The following CUBN variants were observed in gnomAD, a reference collection of about 807,000 sequenced individuals.
CUBN encodes cubilin.
In CUBN, 282 loss-of-function variants were observed where a neutral mutation model predicts 405.3. The ratio of observed to expected loss-of-function variants is 0.70; its 90% CI spans 0.63 to 0.77. The LOEUF (loss-of-function observed/expected upper bound fraction) is 0.77. Ranked by LOEUF, CUBN falls within the 30% of genes least tolerant of loss-of-function variation. The pLI is 0.00. For missense variants in CUBN, 4,514 were observed against 4,475.2 expected (o/e 1.01, Z -0.25); for synonymous variants, 1,684 against 1,617.0 (o/e 1.04, Z -0.99).
intron 48 of CUBN, among the ~76,000 whole-genome samples, chr10:16,908,923 GGGACTGC>G (rs1346774591): frequency 1.4e-5 from 2 of 144,424 alleles, no homozygotes; most frequent in African/African-American, 5.1e-5. Context: ...TCGCCCAGGC[GGGACTGC>G]GGACTGCAGT....
At chr10:17,122,611 C>G in intron 6 of CUBN, 184 bp downstream of exon 6, 1 of 641,840 alleles carries the variant, frequency 1.6e-6, no homozygotes, top group Non-Finnish European at 2.9e-6. Context: ...GTAAAGGACT[C>G]ATGAGCTTTT....
intron 22 of CUBN, among the ~76,000 whole-genome samples, chr10:17,051,057 T>A (rs963842223): frequency 1.3e-5 from 2 of 149,992 alleles, no homozygotes; most frequent in Non-Finnish European, 3.0e-5. Flanking sequence ...TTACAAATAT[T>A]AAAAAAAAAG....
chr10:16,826,815 T>C (rs1351978684), intron 66 of CUBN, among the ~76,000 whole-genome samples: 1 of 152,180 alleles, frequency 6.6e-6, no homozygotes, highest in African/African-American at 2.4e-5. Context: ...TTCCACCTTA[T>C]GGGAGTGTCA....
At chr10:17,062,216 C>T (rs937378237) in intron 22 of CUBN, among the ~76,000 whole-genome samples, 8 of 152,068 alleles carry the variant, frequency 5.3e-5, no homozygotes, top group East Asian at 1.9e-4. Context: ...TCATGACTCA[C>T]GAATGAGTCA....
In CUBN at chr10:16,990,447, G is replaced by A. The variant is rs1485492021; in HGVS notation, c.4237C>T (p.Pro1413Ser). 6.2e-7 allele frequency: 1 copy of A among 1,614,012 alleles called. No homozygotes were observed. The highest frequency in any genetic ancestry group is 8.5e-7 in the Non-Finnish European group (1 of 1,180,018). Residue 1413 changes from proline to serine, a missense_variant, in exon 29 of 67, where the codon CCA (proline) becomes TCA (serine). Transcript: ENST00000377833. ...SSPGFPNRYP[P>S]NKECIWYIRT... Reference sequence around the variant, plus strand: ...ATGTACCAGATACACTCCTTGTTTGGTGGATACCTGTTGGGGAACCCGGGG... The same window carrying A: ...ATGTACCAGATACACTCCTTGTTTGATGGATACCTGTTGGGGAACCCGGGG...
intron 45 of CUBN, among the ~76,000 whole-genome samples, chr10:16,916,836 A>T (rs1470612010): frequency 7.0e-6 from 1 of 142,088 alleles, no homozygotes. Flanking sequence ...TTTTTTTGAG[A>T]CAGAGTCTTG....
intron 28 of CUBN, among the ~76,000 whole-genome samples, chr10:16,991,423 C>A (rs1231050583): frequency 6.6e-6 from 1 of 152,172 alleles, no homozygotes; most frequent in Non-Finnish European, 1.5e-5. Flanking sequence ...TACTTCATTA[C>A]TATACCGCAC....
At chr10:16,903,221 T>C (rs1211867501) in intron 51 of CUBN, among the ~76,000 whole-genome samples, 2 of 152,194 alleles carry the variant, frequency 1.3e-5, no homozygotes, top group Non-Finnish European at 2.9e-5. Context: ...CAGAAAATCA[T>C]CTGATAAAAT....
chr10:17,044,148 A>C (rs893183479), intron 25 of CUBN, among the ~76,000 whole-genome samples, 165 bp from the exon 26 acceptor site: 1 of 133,014 alleles, frequency 7.5e-6, no homozygotes, highest in Non-Finnish European at 1.5e-5. Flanking sequence ...TATTCATTAT[A>C]TATAATATAT....
intron 40 of CUBN, among the ~76,000 whole-genome samples, chr10:16,932,631 GC>G (rs1842392876): frequency 6.6e-6 from 1 of 152,188 alleles, no homozygotes; most frequent in African/African-American, 2.4e-5. Context: ...TCATTCTGCT[GC>G]CCAGGCTGGT....
chr10:17,015,456 A>C (rs1450151524), intron 28 of CUBN, among the ~76,000 whole-genome samples: 1 of 152,196 alleles, frequency 6.6e-6, no homozygotes, highest in African/African-American at 2.4e-5. Flanking sequence ...CCCAATTACA[A>C]CTGAGGAGGT....
chr10:17,085,873 GT>G (rs1449715575), intron 15 of CUBN, 114 bp from the exon 16 acceptor site: 1 of 990,788 alleles, frequency 1.0e-6, no homozygotes, highest in Non-Finnish European at 1.5e-6. Flanking sequence ...GCTCAAGGAA[GT>G]TTCCCCATCA....
Position 17,043,864 on chromosome 10 carries a change from AC to A in CUBN, c.3791del (p.Gly1264ValfsTer19), listed in dbSNP as rs763079782. ...CAGCCTTGAAGCCACGTCCTTGCTG[AC>A]CTTCATCTGTCCTCAGTTTTATAAA... is the stretch of plus-strand genomic sequence containing the variant. ...SMFIKLRTDE[G>X]QQGRGFKAEY... On this transcript the variant is annotated frameshift_variant, in exon 26 of 67. Coordinates refer to ENST00000377833, the MANE Select transcript of CUBN (RefSeq NM_001081.4). LOFTEE classifies it high-confidence loss of function. 6.2e-7 allele frequency: 1 copy of A among 1,613,580 alleles called. No homozygotes were observed. The highest frequency in any genetic ancestry group is 8.5e-7 in the Non-Finnish European group (1 of 1,179,668).
chr10:17,060,472 G>T (rs1308860375), intron 22 of CUBN, among the ~76,000 whole-genome samples: 1 of 152,206 alleles, frequency 6.6e-6, no homozygotes, highest in Non-Finnish European at 1.5e-5. Flanking sequence ...ATGAAGACAA[G>T]TAGGGAACTC....
chr10:16,875,269 T>A (rs903709738), intron 57 of CUBN, among the ~76,000 whole-genome samples: 3 of 152,148 alleles, frequency 2.0e-5, no homozygotes, highest in Non-Finnish European at 2.9e-5. Flanking sequence ...TTATCCACAA[T>A]ATAAAGTGAT....
intron 43 of CUBN, among the ~76,000 whole-genome samples, chr10:16,921,039 T>A (rs1196858607): frequency 6.6e-6 from 1 of 152,208 alleles, no homozygotes; most frequent in Non-Finnish European, 1.5e-5. Context: ...AACTCCGTGG[T>A]TGTGTTCAAT....
Position 17,041,048 on chromosome 10 carries a change from G to A in CUBN, c.4002C>T (p.Ser1334=), listed in dbSNP as rs780816919. The change falls in exon 27 of 67, where the codon TCC becomes TCT. Residue 1334 remains serine (S), a synonymous_variant. Transcript: ENST00000377833. ...TAATACATACCTCTAAATAATCTGT[G>A]GAGCAGTTTATGTGATGTTCCAAGT... The part of the protein sequence containing the change: ...AFDLEHHINC[S]TDYLELYDGP... The A allele has an allele frequency of 5.0e-6, 8 of 1,613,242 alleles. No individual in the cohort carries two copies. The highest frequency in any genetic ancestry group is 3.3e-4 in the Middle Eastern group (2 of 6,080).
At chr10:16,948,190 C>A (rs556332286) in intron 35 of CUBN, among the ~76,000 whole-genome samples, 14 of 152,348 alleles carry the variant, frequency 9.2e-5, no homozygotes, top group Admixed American at 5.9e-4. Context: ...ACCTGGGCGA[C>A]CAAGTGAGAC....
At chr10:17,041,638 AGGG>A (rs1835021593) in intron 26 of CUBN, among the ~76,000 whole-genome samples, 6 of 152,078 alleles carry the variant, frequency 3.9e-5, no homozygotes, top group African/African-American at 1.4e-4. Context: ...AACACGTGGA[AGGG>A]ACAGAAATTC....
Sources: gnomAD v4.1 joint callset for allele counts (sites outside exome capture counted in the v4.1 genomes callset) on GRCh38, gnomAD v4.1.1 for gene constraint, MANE v1.5 for transcripts, NCBI Gene and HGNC (gene_info 2026-07-23, HGNC 2026-07-21) for gene names.